METTL15: variants seen among roughly 807,000 people sequenced by gnomAD.
METTL15 encodes 12S rRNA N(4)-cytidine methyltransferase METTL15.
A neutral mutation model predicts 38.3 loss-of-function variants in METTL15; 34 were observed. The observed-to-expected ratio is 0.89, with a 90% CI of 0.68 to 1.18. The LOEUF (loss-of-function observed/expected upper bound fraction) is 1.18. Among genes scored for constraint, METTL15 ranks in the 50% most tolerant of loss-of-function variants. METTL15 has a pLI of 0.00. For synonymous variants in METTL15, 162 were observed against 170.9 expected, an observed-to-expected ratio of 0.95 and a Z score of 0.41; for missense variants, 438 against 498.4, an observed-to-expected ratio of 0.88 and a Z score of 1.15.
At chr11:28,244,760 C>G (rs1161834237) in intron 4 of METTL15, among the ~76,000 whole-genome samples, 1 of 152,310 alleles carries the variant, frequency 6.6e-6, no homozygotes, top group Non-Finnish European at 1.5e-5. Context: ...AGAAGCCAAA[C>G]AGGGAGGCAC....
intron 3 of METTL15, among the ~76,000 whole-genome samples, chr11:28,131,882 T>C (rs938774856): frequency 2.0e-5 from 3 of 152,194 alleles, no homozygotes; most frequent in Admixed American, 1.3e-4. Context: ...TGTTGAGCTA[T>C]TTAGTTGTTG....
intron 6 of METTL15, among the ~76,000 whole-genome samples, chr11:28,298,260 T>C (rs1384274715): frequency 2.0e-5 from 3 of 152,146 alleles, no homozygotes; most frequent in African/African-American, 7.2e-5. Context: ...GTATCCTTTC[T>C]GTAATTATTT....
intron 5 of METTL15, among the ~76,000 whole-genome samples, chr11:28,413,881 T>G (rs1029093828): frequency 1.2e-4 from 19 of 152,222 alleles, no homozygotes; most frequent in African/African-American, 4.3e-4. Context: ...CTAGTCTTCT[T>G]GCTGTGGCAG....
At chr11:28,348,609 C>T (rs1850016032) in intron 3 of METTL15, among the ~76,000 whole-genome samples, 1 of 152,008 alleles carries the variant, frequency 6.6e-6, no homozygotes, top group East Asian at 1.9e-4. Context: ...ACTCAAGCTA[C>T]ACTCCCTCAG....
intron 4 of METTL15, among the ~76,000 whole-genome samples, chr11:28,256,076 T>C (rs1854960177): frequency 6.6e-6 from 1 of 152,210 alleles, no homozygotes; most frequent in South Asian, 2.1e-4. Context: ...AATGATCTTT[T>C]TAATGTATTG....
intron 6 of METTL15, among the ~76,000 whole-genome samples, chr11:28,514,136 G>C (rs983346847): frequency 2.0e-5 from 3 of 152,128 alleles, no homozygotes; most frequent in Non-Finnish European, 4.4e-5. Context: ...GTGCAGATTG[G>C]GTGGGCCTTA....
At chr11:28,503,877 T>G (rs1039112737) in intron 6 of METTL15, among the ~76,000 whole-genome samples, 4 of 151,676 alleles carry the variant, frequency 2.6e-5, no homozygotes, top group Admixed American at 6.6e-5. Context: ...TCCTGATAAT[T>G]TATGATGCAT....
chr11:28,359,447 G>T (rs1850117327), intron 4 of METTL15, among the ~76,000 whole-genome samples: 1 of 152,120 alleles, frequency 6.6e-6, no homozygotes, highest in Non-Finnish European at 1.5e-5. Flanking sequence ...CTAGTAATGG[G>T]ATTGCTGAGT....
intron 4 of METTL15, among the ~76,000 whole-genome samples, chr11:28,222,191 T>A (rs1398180831): frequency 6.6e-6 from 1 of 152,208 alleles, no homozygotes; most frequent in African/African-American, 2.4e-5. Context: ...TGAGCTGCGG[T>A]GGGCTTCACC....
intron 5 of METTL15, among the ~76,000 whole-genome samples, chr11:28,371,102 C>A (rs1850238926): frequency 6.6e-6 from 1 of 151,950 alleles, no homozygotes; most frequent in Admixed American, 6.6e-5. Context: ...CTTTTTAGGT[C>A]TTACATGAAA....
intron 6 of METTL15, among the ~76,000 whole-genome samples, chr11:28,439,273 C>T (rs898795573): frequency 1.3e-5 from 2 of 152,140 alleles, no homozygotes; most frequent in African/African-American, 4.8e-5. Flanking sequence ...CTAGAAAAAT[C>T]CCAGGAGGGT....
chr11:28,389,128 G>A (rs962772393), intron 5 of METTL15, among the ~76,000 whole-genome samples: 3 of 151,954 alleles, frequency 2.0e-5, no homozygotes, highest in Admixed American at 1.3e-4. Context: ...TGTGAATAGT[G>A]CCTCAATAAA....
At chr11:28,175,947 AGAT>A (rs1029045948) in intron 3 of METTL15, among the ~76,000 whole-genome samples, 78 of 152,068 alleles carry the variant, frequency 5.1e-4, no homozygotes, top group African/African-American at 1.8e-3. Flanking sequence ...ATAATTTTTT[AGAT>A]GATGAGATGA....
At chr11:28,197,960 A>C (rs369596714) in intron 3 of METTL15, among the ~76,000 whole-genome samples, 1 of 152,104 alleles carries the variant, frequency 6.6e-6, no homozygotes, top group Non-Finnish European at 1.5e-5. Flanking sequence ...TGCTGAACAC[A>C]TTGATTAAAG....
chr11:28,122,146 T>G, intron 3 of METTL15: 1 of 1,239,058 alleles, frequency 8.1e-7, no homozygotes. Context: ...TTACAGAGTC[T>G]TGGTGTGAGG....
intron 6 of METTL15, among the ~76,000 whole-genome samples, chr11:28,498,480 TCTAACAGAGAAG>T (rs1435519149): frequency 6.6e-6 from 1 of 152,146 alleles, no homozygotes; most frequent in Non-Finnish European, 1.5e-5. Flanking sequence ...TACTCAGGGA[TCTAACAGAGAAG>T]CTCAATAGCA....
chr11:28,226,853 A>T (rs1234636620), intron 4 of METTL15, among the ~76,000 whole-genome samples: 1 of 151,908 alleles, frequency 6.6e-6, no homozygotes, highest in Non-Finnish European at 1.5e-5. Context: ...AATCTTACTA[A>T]CCATGGGAGG....
At chr11:28,215,329 C>T (rs1468067105) in intron 4 of METTL15, among the ~76,000 whole-genome samples, 1 of 151,608 alleles carries the variant, frequency 6.6e-6, no homozygotes, top group Admixed American at 6.6e-5. Context: ...GTTCTGGTTT[C>T]TATAGGGGAG....
intron 6 of METTL15, among the ~76,000 whole-genome samples, chr11:28,438,681 T>G (rs573053726): frequency 6.8e-6 from 1 of 146,256 alleles, no homozygotes; most frequent in South Asian, 2.2e-4. Flanking sequence ...TCTTTTTTTT[T>G]TTTTTTTTTT....
Sources: gnomAD v4.1 joint callset for allele counts (sites outside exome capture counted in the v4.1 genomes callset) on GRCh38, gnomAD v4.1.1 for gene constraint, MANE v1.5 for transcripts, NCBI Gene and HGNC (gene_info 2026-07-23, HGNC 2026-07-21) for gene names.